Variants in DACH1 observed in about 807,000 individuals in gnomAD.
DACH1 encodes the protein dachshund homolog 1.
DACH1 carries 12 observed loss-of-function variants against 54.2 expected under a neutral mutation model. The observed-to-expected ratio is 0.22, with a 90% CI of 0.14 to 0.36. The LOEUF is 0.36. Ranked by LOEUF, DACH1 falls within the 10% of genes least tolerant of loss-of-function variation. The pLI is 1.00. For missense variants in DACH1, 805 were observed against 929.8 expected, an observed-to-expected ratio of 0.87 and a Z score of 1.75; for synonymous variants, 386 against 366.2, an observed-to-expected ratio of 1.05 and a Z score of -0.62.
intron 2 of DACH1, among the ~76,000 whole-genome samples, chr13:71,657,002 GTATA>G (rs541587239): frequency 2.9e-4 from 38 of 132,298 alleles, no homozygotes; most frequent in Admixed American, 1.8e-3. Flanking sequence ...ACAGGTATGT[GTATA>G]TATATATACA....
intron 1 of DACH1, among the ~76,000 whole-genome samples, chr13:71,790,802 T>G (rs1886800227): frequency 6.6e-6 from 1 of 152,218 alleles, no homozygotes; most frequent in Non-Finnish European, 1.5e-5. Flanking sequence ...TTTTTATTTC[T>G]TGCTTTGAAG....
chr13:71,673,619 G>A (rs1449790273), intron 2 of DACH1, among the ~76,000 whole-genome samples: 1 of 152,018 alleles, frequency 6.6e-6, no homozygotes, highest in Non-Finnish European at 1.5e-5. Context: ...GGGGGGTGTG[G>A]GGCTGGGGGA....
chr13:71,692,251 T>C (rs1238060896), intron 1 of DACH1, among the ~76,000 whole-genome samples: 1 of 152,140 alleles, frequency 6.6e-6, no homozygotes, highest in Non-Finnish European at 1.5e-5. Flanking sequence ...CAGGTAGTTA[T>C]CTAACTTGAA....
intron 1 of DACH1, among the ~76,000 whole-genome samples, chr13:71,865,461 C>T (rs1190791199): frequency 1.3e-5 from 2 of 152,142 alleles, no homozygotes; most frequent in African/African-American, 4.8e-5. Flanking sequence ...CGGGACACCG[C>T]TCGGCGCCAC....
intron 2 of DACH1, among the ~76,000 whole-genome samples, chr13:71,641,931 G>A (rs1308987971): frequency 6.6e-6 from 1 of 152,032 alleles, no homozygotes; most frequent in Non-Finnish European, 1.5e-5. Flanking sequence ...TTATATATCA[G>A]GAAGAATTAC....
intron 2 of DACH1, among the ~76,000 whole-genome samples, chr13:71,661,468 T>A (rs1436554152): frequency 3.9e-5 from 6 of 151,978 alleles, no homozygotes. Flanking sequence ...TAGATGACTA[T>A]GTATATGATT....
intron 1 of DACH1, among the ~76,000 whole-genome samples, chr13:71,761,005 T>G (rs1216084269): frequency 6.6e-6 from 1 of 152,064 alleles, no homozygotes; most frequent in African/African-American, 2.4e-5. Flanking sequence ...TCCTTCATCT[T>G]GTATGTCCTT....
At chr13:71,818,282 CT>C (rs1159558842) in intron 1 of DACH1, among the ~76,000 whole-genome samples, 2 of 152,142 alleles carry the variant, frequency 1.3e-5, no homozygotes, top group Non-Finnish European at 1.5e-5. Flanking sequence ...AGAAAGTATG[CT>C]GGGTGCAAGT....
chr13:71,709,044 G>A (rs1423664303), intron 1 of DACH1, among the ~76,000 whole-genome samples: 4 of 151,446 alleles, frequency 2.6e-5, no homozygotes, highest in African/African-American at 4.8e-5. Flanking sequence ...TAGTAGAGAC[G>A]GGGTTTCACC....
chr13:71,555,413 G>A (rs886550579), intron 6 of DACH1, among the ~76,000 whole-genome samples: 17 of 151,250 alleles, frequency 1.1e-4, no homozygotes, highest in African/African-American at 2.9e-4. Flanking sequence ...GCGCGATCTC[G>A]GCTTACTGCA....
intron 3 of DACH1, among the ~76,000 whole-genome samples, chr13:71,591,559 G>C (rs1039220862): frequency 3.3e-5 from 5 of 152,120 alleles, no homozygotes; most frequent in Non-Finnish European, 5.9e-5. Flanking sequence ...ATCCACTTCT[G>C]CATTCACCCT....
intron 3 of DACH1, among the ~76,000 whole-genome samples, chr13:71,588,315 A>C (rs2138452257): frequency 6.6e-6 from 1 of 152,226 alleles, no homozygotes; most frequent in South Asian, 2.1e-4. Context: ...TGTGTCTTCT[A>C]AAAAGTCCAG....
intron 1 of DACH1, among the ~76,000 whole-genome samples, chr13:71,722,123 T>A: frequency 6.6e-6 from 1 of 152,206 alleles, no homozygotes; most frequent in South Asian, 2.1e-4. Flanking sequence ...AATGAGTTTC[T>A]GTATTATAAA....
chr13:71,609,412 A>G (rs1350914294), intron 3 of DACH1, among the ~76,000 whole-genome samples: 1 of 152,196 alleles, frequency 6.6e-6, no homozygotes, highest in Non-Finnish European at 1.5e-5. Context: ...GGTGCTGTGT[A>G]CATACTATAA....
intron 1 of DACH1, among the ~76,000 whole-genome samples, chr13:71,790,633 G>C (rs1027873355): frequency 1.3e-5 from 2 of 152,112 alleles, no homozygotes; most frequent in African/African-American, 4.8e-5. Context: ...CTACCAAAAA[G>C]TTTACTTGAA....
intron 1 of DACH1, among the ~76,000 whole-genome samples, chr13:71,735,933 C>T (rs996710629): frequency 2.0e-5 from 3 of 152,090 alleles, no homozygotes; most frequent in Non-Finnish European, 4.4e-5. Context: ...CCCTGCATGG[C>T]ATTTTTGGCA....
At chr13:71,760,027 T>C (rs1467891671) in intron 1 of DACH1, among the ~76,000 whole-genome samples, 1 of 152,230 alleles carries the variant, frequency 6.6e-6, no homozygotes, top group Admixed American at 6.5e-5. Context: ...CTCATTTGCA[T>C]TAATTTCTCC....
chr13:71,518,609 G>T (rs1331719888), intron 6 of DACH1, among the ~76,000 whole-genome samples: 4 of 151,866 alleles, frequency 2.6e-5, no homozygotes, highest in Admixed American at 2.6e-4. Flanking sequence ...TCTGATTCAG[G>T]TTCCAAGTTA....
chr13:71,833,134 T>C (rs950012238), intron 1 of DACH1, among the ~76,000 whole-genome samples: 1 of 151,996 alleles, frequency 6.6e-6, no homozygotes, highest in East Asian at 1.9e-4. Context: ...CCAACATTGA[T>C]GTAAAAGAAT....
Sources: allele counts gnomAD v4.1 joint callset (sites outside exome capture counted in the v4.1 genomes callset), GRCh38; gene constraint gnomAD v4.1.1; transcripts MANE v1.5; gene names NCBI Gene and HGNC (gene_info 2026-07-23, HGNC 2026-07-21).